The following LARGE1 variants were observed in gnomAD, a reference collection of about 807,000 sequenced individuals.
LARGE1 encodes xylosyl- and glucuronyltransferase LARGE1.
Under a neutral mutation model 87.6 loss-of-function variants are expected in LARGE1, and 43 were observed. The ratio of observed to expected loss-of-function variants is 0.49; its 90% CI spans 0.38 to 0.63. LARGE1 has a LOEUF of 0.63. Among genes scored for constraint, LARGE1 ranks in the 30% least tolerant of loss-of-function variants. The pLI is 0.00. For synonymous variants in LARGE1, 434 were observed against 394.6 expected, an observed-to-expected ratio of 1.10 and a Z score of -1.18; for missense variants, 802 against 1,000.2, an observed-to-expected ratio of 0.80 and a Z score of 2.67.
At chr22:33,310,838 C>T (rs55694975) in intron 11 of LARGE1, among the ~76,000 whole-genome samples, 7,891 of 152,162 alleles carry the variant, frequency 0.052, 257 homozygotes, top group African/African-American at 0.073. Context: ...GAGATACTGT[C>T]CTGATGGTGA....
At chr22:33,862,715 G>A (rs1247040655) in intron 1 of LARGE1, among the ~76,000 whole-genome samples, 1 of 152,182 alleles carries the variant, frequency 6.6e-6, no homozygotes, top group African/African-American at 2.4e-5. Flanking sequence ...CATGACGTTC[G>A]TTTGTGGGCT....
intron 11 of LARGE1, among the ~76,000 whole-genome samples, chr22:33,230,990 C>G (rs1925978536): frequency 1.3e-5 from 2 of 152,166 alleles, no homozygotes. Flanking sequence ...AGAATTAACC[C>G]TCTCCTTCTC....
intron 9 of LARGE1, among the ~76,000 whole-genome samples, chr22:33,363,114 T>G (rs774685458): frequency 1.3e-5 from 2 of 150,016 alleles, no homozygotes; most frequent in African/African-American, 4.9e-5. Context: ...TCAGGTTGAC[T>G]CTCCTTTGGA....
chr22:33,569,579 A>C (rs978675337), intron 5 of LARGE1, among the ~76,000 whole-genome samples: 2 of 152,228 alleles, frequency 1.3e-5, no homozygotes, highest in African/African-American at 2.4e-5. Context: ...AAGTGGTAAG[A>C]AGCAGGTACA....
At chr22:33,430,711 T>C (rs1217392647) in intron 7 of LARGE1, among the ~76,000 whole-genome samples, 2 of 152,356 alleles carry the variant, frequency 1.3e-5, no homozygotes, top group Non-Finnish European at 2.9e-5. Context: ...CCTCTGGACA[T>C]TGATGCTGGA....
intron 6 of LARGE1, among the ~76,000 whole-genome samples, chr22:33,531,227 G>A (rs538424693): frequency 4.6e-5 from 7 of 152,168 alleles, no homozygotes; most frequent in South Asian, 4.2e-4. Flanking sequence ...GCGCGATCTC[G>A]GCTCACTGCA....
the LARGE1 span, among the ~76,000 whole-genome samples, chr22:33,118,319 C>CAAAATA: frequency 1.3e-5 from 2 of 151,432 alleles, no homozygotes; most frequent in South Asian, 2.1e-4. Context: ...CTCATCTCTA[C>CAAAATA]AAAATAAAAA....
chr22:33,079,131 G>A, the LARGE1 span, among the ~76,000 whole-genome samples: 1 of 150,896 alleles, frequency 6.6e-6, no homozygotes, highest in African/African-American at 2.4e-5. Context: ...CTCCCTAGTA[G>A]TGTAGGGTGA....
chr22:33,281,821 C>A (rs1930494626), intron 13 of LARGE1, among the ~76,000 whole-genome samples: 1 of 152,124 alleles, frequency 6.6e-6, no homozygotes, highest in African/African-American at 2.4e-5. Flanking sequence ...AAAATGATAG[C>A]CTCTGAACTG....
intron 6 of LARGE1, among the ~76,000 whole-genome samples, chr22:33,558,831 A>G (rs921430421): frequency 1.3e-5 from 2 of 152,212 alleles, no homozygotes; most frequent in African/African-American, 4.8e-5. Flanking sequence ...TACAGCCCCA[A>G]TGGCTCTGTG....
chr22:33,691,732 C>A (rs528304132), intron 2 of LARGE1, among the ~76,000 whole-genome samples: 1 of 152,206 alleles, frequency 6.6e-6, no homozygotes, highest in African/African-American at 2.4e-5. Context: ...TTAGCCTCTT[C>A]CTACCGTCTG....
At chr22:33,717,131 T>C (rs1444088072) in intron 2 of LARGE1, among the ~76,000 whole-genome samples, 3 of 152,208 alleles carry the variant, frequency 2.0e-5, no homozygotes, top group Non-Finnish European at 4.4e-5. Flanking sequence ...TACATGTTGG[T>C]GGGTCTCTTC....
chr22:33,220,344 G>A (rs541819889), intron 11 of LARGE1, among the ~76,000 whole-genome samples: 103 of 152,250 alleles, frequency 6.8e-4, no homozygotes, highest in African/African-American at 2.4e-3. Flanking sequence ...GTCAGCTTTG[G>A]TTTTTGCTTT....
At chr22:33,359,596 C>A (rs1209474854) in intron 9 of LARGE1, among the ~76,000 whole-genome samples, 1 of 143,380 alleles carries the variant, frequency 7.0e-6, no homozygotes, top group Admixed American at 7.1e-5. Context: ...TGGAGTCTCG[C>A]TCTGTTGCCA....
At chr22:33,653,746 T>C (rs974012912) in intron 2 of LARGE1, among the ~76,000 whole-genome samples, 3 of 152,182 alleles carry the variant, frequency 2.0e-5, no homozygotes, top group African/African-American at 7.2e-5. Context: ...TGATGTAATT[T>C]AAGGTGTAAA....
At chr22:33,737,312 T>C (rs2083689659) in intron 2 of LARGE1, among the ~76,000 whole-genome samples, 1 of 152,172 alleles carries the variant, frequency 6.6e-6, no homozygotes, top group African/African-American at 2.4e-5. Context: ...ATTTACCAGG[T>C]ACTCTGGCTT....
chr22:33,401,078 G>A (rs890230435), intron 7 of LARGE1, among the ~76,000 whole-genome samples: 2 of 151,982 alleles, frequency 1.3e-5, no homozygotes, highest in African/African-American at 4.8e-5. Flanking sequence ...GCACACTCTC[G>A]CATGTGGGTG....
At chr22:33,119,195 A>AT in the LARGE1 span, among the ~76,000 whole-genome samples, 1 of 152,178 alleles carries the variant, frequency 6.6e-6, no homozygotes, top group Admixed American at 6.5e-5. Context: ...ATGATAGGTA[A>AT]TGTCTAAGCT....
At chr22:33,562,455 C>A (rs966919440) in intron 6 of LARGE1, among the ~76,000 whole-genome samples, 2 of 152,124 alleles carry the variant, frequency 1.3e-5, no homozygotes, top group African/African-American at 4.8e-5. Context: ...CAGTGGGGGC[C>A]TAACAAATGC....
Sources: gnomAD v4.1 joint callset for allele counts (sites outside exome capture counted in the v4.1 genomes callset) on GRCh38, gnomAD v4.1.1 for gene constraint, MANE v1.5 for transcripts, NCBI Gene and HGNC (gene_info 2026-07-23, HGNC 2026-07-21) for gene names.